Variants in EPS15 observed in about 807,000 individuals in gnomAD.
EPS15 encodes epidermal growth factor receptor pathway substrate 15.
In EPS15, 72 loss-of-function variants were observed where a neutral mutation model predicts 113.8. The ratio of observed to expected loss-of-function variants is 0.63; its 90% CI spans 0.52 to 0.77. The LOEUF (loss-of-function observed/expected upper bound fraction) is 0.77. Ranked by LOEUF, EPS15 falls within the 30% of genes least tolerant of loss-of-function variation. The pLI is 0.00. For missense variants in EPS15, 1,048 were observed against 1,045.8 expected, an observed-to-expected ratio of 1.00 and a Z score of -0.03; for synonymous variants, 344 against 363.4, an observed-to-expected ratio of 0.95 and a Z score of 0.61.
At chr1:51,369,564 C>A (rs1355213102) in intron 21 of EPS15, among the ~76,000 whole-genome samples, 5 of 152,244 alleles carry the variant, frequency 3.3e-5, no homozygotes, top group African/African-American at 7.2e-5. Context: ...TAAAAATCAT[C>A]CCTAAATCTC....
In EPS15 at chr1:51,355,474, GT is replaced by G. The variant is rs1646198756; in HGVS notation, c.*1225del. 1.0e-5 allele frequency: 2 copies of G among 194,832 alleles called. No homozygotes were observed. The highest frequency in any genetic ancestry group is 2.1e-5 in the Non-Finnish European group (2 of 93,714). The allele number at this position is 194,832 out of a possible 1,614,324, so 12.1% of individuals were successfully genotyped here. A position where few individuals can be genotyped will look rare whatever the true frequency, so the allele number is the denominator to read the frequency against. On this transcript the variant is annotated 3_prime_UTR_variant, in exon 25 of 25. Coordinates refer to ENST00000371733, the MANE Select transcript of EPS15 (RefSeq NM_001981.3). ...CAAATTCAGCTTGTCCACTAGGTCAGTTTTACAGGAGATGGTCTTTTAACAT... is the reference window on the plus strand; with the variant it reads ...CAAATTCAGCTTGTCCACTAGGTCAGTTTACAGGAGATGGTCTTTTAACAT...
intron 21 of EPS15, among the ~76,000 whole-genome samples, chr1:51,385,196 G>A (rs1647034047): frequency 6.6e-6 from 1 of 152,134 alleles, no homozygotes; most frequent in Non-Finnish European, 1.5e-5. Flanking sequence ...CTGATAAGGG[G>A]TTAATATCTA....
At chr1:51,422,551 G>A (rs72696104) in intron 12 of EPS15, among the ~76,000 whole-genome samples, 3,202 of 152,260 alleles carry the variant, frequency 0.021, 52 homozygotes, top group Non-Finnish European at 0.031. Context: ...GCTGGGCTCC[G>A]CTTTTACTTT....
At chr1:51,517,276 T>C (rs181745769) in intron 1 of EPS15, among the ~76,000 whole-genome samples, 1 of 152,342 alleles carries the variant, frequency 6.6e-6, no homozygotes, top group African/African-American at 2.4e-5. Flanking sequence ...TTATCTCATA[T>C]GTGAGGCACT....
In EPS15 at chr1:51,368,307, CCAAA is replaced by C. The variant is rs546722242; in HGVS notation, c.2120-2282_2120-2279del. Reference sequence around the variant, plus strand: ...TACACTATTTTTGTTTGCTTTGTCACCAAACATTTCGTCACCAAGACAGCTGTAG... The same window carrying C: ...TACACTATTTTTGTTTGCTTTGTCACCATTTCGTCACCAAGACAGCTGTAG... On this transcript the variant is annotated intron_variant, in intron 21 of 24. Transcript: ENST00000371733. Among the ~76,000 whole-genome samples the C allele has an allele frequency of 1.2e-4, 19 of 152,142 alleles. No individual in the cohort carries two copies. In the South Asian group the frequency reaches 3.3e-3, roughly 27 times the overall value.
chr1:51,485,360 G>A (rs1234908845), intron 1 of EPS15, among the ~76,000 whole-genome samples: 1 of 152,182 alleles, frequency 6.6e-6, no homozygotes, highest in Non-Finnish European at 1.5e-5. Context: ...TCAATAGTGA[G>A]TCTTTTTAAA....
chr1:51,431,366 G>A (rs2148463073), intron 12 of EPS15, among the ~76,000 whole-genome samples: 1 of 152,174 alleles, frequency 6.6e-6, no homozygotes, highest in East Asian at 1.9e-4. Flanking sequence ...ACTTTGGGGT[G>A]TGGCTTATAT....
intron 24 of EPS15, among the ~76,000 whole-genome samples, chr1:51,360,446 T>G (rs1646356667): frequency 1.3e-5 from 2 of 152,198 alleles, no homozygotes; most frequent in African/African-American, 4.8e-5. Context: ...GTTGCCCCAT[T>G]TCTGTGATTT....
intron 21 of EPS15, among the ~76,000 whole-genome samples, chr1:51,385,167 A>G: frequency 6.6e-6 from 1 of 152,236 alleles, no homozygotes; most frequent in East Asian, 1.9e-4. Context: ...ATGGGAGAAA[A>G]TATTTGCAAA....
At chr1:51,436,837 G>A (rs1020567197) in intron 12 of EPS15, among the ~76,000 whole-genome samples, 9 of 152,108 alleles carry the variant, frequency 5.9e-5, no homozygotes, top group African/African-American at 2.2e-4. Flanking sequence ...ATGTCACTGA[G>A]AAGGGAGATA....
chr1:51,514,030 C>A (rs544976156), intron 1 of EPS15, among the ~76,000 whole-genome samples: 13 of 152,106 alleles, frequency 8.5e-5, no homozygotes, highest in Non-Finnish European at 1.3e-4. Flanking sequence ...AAAACTACAA[C>A]CATGCTACTA....
At position 51,505,406 on chromosome 1, in the gene EPS15, T is replaced by C. The variant is rs145490039; in HGVS notation, c.33+13793A>G. ...AACATAGATAAACCACAAAAAGTGA[T>C]AGAAGGCAGTCATAAGAGTATATGT... is the stretch of plus-strand genomic sequence containing the variant. On this transcript the variant is annotated intron_variant, in intron 1 of 24. Coordinates refer to ENST00000371733, the MANE Select transcript of EPS15 (RefSeq NM_001981.3). Among the ~76,000 whole-genome samples, 141 of 152,318 alleles carry C rather than the reference T, an allele frequency of 9.3e-4. 1 individual carries two copies. Among genetic ancestry groups the C allele is most frequent in the African/African-American group, 3.2e-3 (135 of 41,570 alleles).
intron 13 of EPS15, among the ~76,000 whole-genome samples, chr1:51,411,189 C>G (rs899126010): frequency 2.0e-5 from 3 of 152,202 alleles, no homozygotes; most frequent in African/African-American, 7.2e-5. Flanking sequence ...TGCTTTTTAT[C>G]TTATATTTTC....
intron 12 of EPS15, among the ~76,000 whole-genome samples, chr1:51,434,385 C>T (rs1338395091): frequency 6.6e-6 from 1 of 152,192 alleles, no homozygotes; most frequent in Non-Finnish European, 1.5e-5. Context: ...GAAATTCTGA[C>T]ATATGCCACA....
At chr1:51,377,614 T>C (rs1446217897) in intron 21 of EPS15, among the ~76,000 whole-genome samples, 1 of 152,194 alleles carries the variant, frequency 6.6e-6, no homozygotes, top group Non-Finnish European at 1.5e-5. Flanking sequence ...ATAAATTTAG[T>C]TCGTGAAGCA....
At chr1:51,390,175 T>G (rs557184437) in intron 21 of EPS15, among the ~76,000 whole-genome samples, 2 of 152,026 alleles carry the variant, frequency 1.3e-5, no homozygotes, top group Non-Finnish European at 2.9e-5. Flanking sequence ...TCTACAACTA[T>G]CTGATCTTTG....
chr1:51,508,306 GA>G, intron 1 of EPS15, among the ~76,000 whole-genome samples: 1 of 132,802 alleles, frequency 7.5e-6, no homozygotes, highest in Non-Finnish European at 1.6e-5. Context: ...GAGAGAGAAA[GA>G]GAGAAAGAGA....
chr1:51,487,313 A>G (rs562969906), intron 1 of EPS15, among the ~76,000 whole-genome samples: 6 of 152,338 alleles, frequency 3.9e-5, no homozygotes, highest in African/African-American at 1.4e-4. Flanking sequence ...ACTGAAGTCC[A>G]TGTTAAAAAC....
chr1:51,461,185 T>A, intron 7 of EPS15, 35 bp from the exon 8 acceptor site: 1 of 1,429,712 alleles, frequency 7.0e-7, no homozygotes, highest in Non-Finnish European at 9.9e-7. Flanking sequence ...AGATTAATGT[T>A]CTTTCAGTTC....
Sources: allele counts gnomAD v4.1 joint callset (sites outside exome capture counted in the v4.1 genomes callset), GRCh38; gene constraint gnomAD v4.1.1; transcripts MANE v1.5; gene names NCBI Gene and HGNC (gene_info 2026-07-23, HGNC 2026-07-21).